The following DNMBP variants were observed in gnomAD, a reference collection of about 807,000 sequenced individuals.
The protein encoded by DNMBP is dynamin-binding protein.
A neutral mutation model predicts 150.0 loss-of-function variants in DNMBP; 87 were observed. That is an observed-to-expected ratio of 0.58 (90% CI 0.49 to 0.69). The LOEUF (loss-of-function observed/expected upper bound fraction) is 0.69, where lower values mean the gene tolerates loss of function less well. Ranked by LOEUF, DNMBP falls within the 30% of genes least tolerant of loss-of-function variation. DNMBP has a pLI of 0.00. For synonymous variants in DNMBP, 711 were observed against 750.4 expected (o/e 0.95, Z 0.86); for missense variants, 1,774 against 1,949.0 (o/e 0.91, Z 1.69).
chr10:99,920,161 C>T (rs974681314), intron 4 of DNMBP, among the ~76,000 whole-genome samples: 8 of 151,864 alleles, frequency 5.3e-5, no homozygotes, highest in Admixed American at 1.3e-4. Flanking sequence ...CCGCAACCTC[C>T]GCCTCCTGGG....
intron 11 of DNMBP, 110 bp downstream of exon 11, chr10:99,894,836 T>C (rs1590217562): frequency 1.3e-6 from 1 of 773,254 alleles, no homozygotes; most frequent in East Asian, 2.7e-5. Flanking sequence ...GGCATAATAG[T>C]AATTTGAGTC....
chr10:99,923,083 G>A (rs926479924), intron 4 of DNMBP, among the ~76,000 whole-genome samples: 1 of 152,028 alleles, frequency 6.6e-6, no homozygotes, highest in African/African-American at 2.4e-5. Context: ...GCAAGACCCT[G>A]TCTCTACTAA....
chr10:99,888,824 C>T lies in DNMBP; in HGVS notation c.3285+1G>A. 3 of 1,613,800 alleles carry T rather than the reference C, an allele frequency of 1.9e-6. No homozygotes were observed. The highest frequency in any genetic ancestry group is 2.5e-6 in the Non-Finnish European group (3 of 1,179,904). Reference sequence around the variant, plus strand: ...CAACTTTTGAAGAAAAAGTTACTTACAAAGTTTGTGAAGAGCTGGTCACTG... The same window carrying T: ...CAACTTTTGAAGAAAAAGTTACTTATAAAGTTTGTGAAGAGCTGGTCACTG... On this transcript the variant is annotated splice_donor_variant, in intron 12 of 16. Transcript: ENST00000324109. LOFTEE classifies it high-confidence loss of function.
chr10:100,005,764 C>CAAAAAAAAAAA (rs760685767), intron 1 of DNMBP, among the ~76,000 whole-genome samples: 1 of 37,974 alleles, frequency 2.6e-5, no homozygotes, highest in African/African-American at 1.0e-4. Context: ...CAAAAGTCTC[C>CAAAAAAAAAAA]AAAAAAAAAA....
At position 99,899,984 on chromosome 10, in the gene DNMBP, C is replaced by T. The variant is rs557801510; in HGVS notation, c.2637G>A (p.Leu879=). 1.2e-5 allele frequency: 20 copies of T among 1,614,002 alleles called. 1 individual carries two copies. The highest frequency in any genetic ancestry group is 3.3e-4 in the Middle Eastern group (2 of 6,084). The change falls in exon 7 of 17, where the codon CTG becomes CTA. Residue 879 remains leucine (L), a synonymous_variant. Transcript: ENST00000324109. ...YCQNHDEAIA[L]LEIYEKDEKI... ...TCTCATCCTTCTCGTAGATTTCAAG[C>T]AGCGCAATGGCCTCATCATGATTCT...
chr10:99,997,375 A>G (rs564260066), intron 1 of DNMBP, among the ~76,000 whole-genome samples: 1 of 152,302 alleles, frequency 6.6e-6, no homozygotes, highest in East Asian at 1.9e-4. Context: ...TGCTGTTGAT[A>G]ATGTCATTCC....
chr10:99,887,594 A>G (rs1235001507), intron 12 of DNMBP, among the ~76,000 whole-genome samples: 3 of 152,138 alleles, frequency 2.0e-5, no homozygotes, highest in Non-Finnish European at 4.4e-5. Flanking sequence ...TAAGGCAATG[A>G]ATACATAAAG....
In DNMBP at chr10:99,877,058, T is replaced by C. The variant is rs1399306282; in HGVS notation, c.*93A>G. ...GGTTAAGCAACGCAGACAGGGCCTG[T>C]GTCTCAGGAGCAGGCGCCCTCTCGG... On this transcript the variant is annotated 3_prime_UTR_variant, in exon 17 of 17. Coordinates refer to ENST00000324109, the MANE Select transcript of DNMBP (RefSeq NM_015221.4). The C allele has an allele frequency of 5.2e-6, 6 of 1,146,522 alleles. No homozygotes were observed. The African/African-American group carries it at 7.8e-5, about 15-fold the overall frequency. The allele number at this position is 1,146,522 out of a possible 1,614,324, so 71.0% of individuals were successfully genotyped here. A position where few individuals can be genotyped will look rare whatever the true frequency, so the allele number is the denominator to read the frequency against.
At chr10:99,998,822 T>G (rs1217446187) in intron 1 of DNMBP, among the ~76,000 whole-genome samples, 3 of 152,132 alleles carry the variant, frequency 2.0e-5, no homozygotes, top group Non-Finnish European at 4.4e-5. Context: ...AACCAAAAGG[T>G]CTATAAAACG....
rs114289655 is a variant in DNMBP at position 99,889,218 on chromosome 10, G to T, written c.3157-265C>A. On this transcript the variant is annotated intron_variant, in intron 11 of 16. Coordinates refer to ENST00000324109, the MANE Select transcript of DNMBP (RefSeq NM_015221.4). The stretch of plus-strand genomic sequence containing the variant: ...TAGCATTCCCCTATGTCCCTAATAG[G>T]GTTTCTTAATTTACCAAAAAGCAAA... 1,476 of 280,048 alleles carry T rather than the reference G, an allele frequency of 5.3e-3. 19 individuals carry two copies. The highest frequency in any genetic ancestry group is 0.028 in the African/African-American group (1,262 of 45,316). 17.3% of individuals were successfully genotyped at this position (280,048 alleles called of 1,614,324 possible).
chr10:99,916,306 T>C (rs917710725), intron 4 of DNMBP, among the ~76,000 whole-genome samples: 3 of 152,118 alleles, frequency 2.0e-5, no homozygotes, highest in African/African-American at 7.2e-5. Context: ...CTACTAACAT[T>C]ACAAAAATTA....
Position 99,885,760 on chromosome 10 carries a change from A to C in DNMBP, c.3725T>G (p.Leu1242Arg), listed in dbSNP as rs144751467. Residue 1242 changes from leucine to arginine, a missense_variant, in exon 14 of 17, where the codon CTT (leucine) becomes CGT (arginine). By Grantham distance (102) the Leu-to-Arg change is moderately radical. This residue lies in a region of DNMBP where 1,430 missense variants were observed against 1,492.5 expected (regional missense o/e 0.96). Coordinates refer to ENST00000324109, the MANE Select transcript of DNMBP (RefSeq NM_015221.4). The part of the protein sequence containing the change: ...LQVFTFFPES[L>R]PATKKPFERK... ...CTCAAATGGCTTCTTGGTAGCTGGAAGAGACTCCGGGAAGAAGGTAAAAAC... is the reference window on the plus strand; with the variant it reads ...CTCAAATGGCTTCTTGGTAGCTGGACGAGACTCCGGGAAGAAGGTAAAAAC... The C allele has an allele frequency of 4.4e-6, 7 of 1,606,038 alleles. No individual in the cohort carries two copies. In the Admixed American group the frequency reaches 6.8e-5, roughly 16 times the overall value.
chr10:100,002,471 G>C (rs925083087), intron 1 of DNMBP, among the ~76,000 whole-genome samples: 1 of 152,156 alleles, frequency 6.6e-6, no homozygotes, highest in Non-Finnish European at 1.5e-5. Context: ...ATTTATGCCT[G>C]AAGTAAAGAC....
At chr10:99,991,779 G>A (rs1016225102) in intron 1 of DNMBP, among the ~76,000 whole-genome samples, 6 of 151,630 alleles carry the variant, frequency 4.0e-5, no homozygotes, top group African/African-American at 1.2e-4. Flanking sequence ...GGTGGCAGGC[G>A]CCTGTAGTCC....
chr10:99,912,088 C>G (rs1195229415), intron 4 of DNMBP, among the ~76,000 whole-genome samples: 1 of 152,144 alleles, frequency 6.6e-6, no homozygotes, highest in African/African-American at 2.4e-5. Context: ...TATTATTACT[C>G]CCATTTAATA....
chr10:99,982,908 C>T (rs1348073426), intron 1 of DNMBP, among the ~76,000 whole-genome samples: 1 of 151,468 alleles, frequency 6.6e-6, no homozygotes, highest in Non-Finnish European at 1.5e-5. Context: ...GTGGAGGTTG[C>T]AGCAAGCTGA....
chr10:99,920,224 C>T (rs1251023088), intron 4 of DNMBP, among the ~76,000 whole-genome samples: 13 of 151,826 alleles, frequency 8.6e-5, no homozygotes, highest in Non-Finnish European at 1.0e-4. Flanking sequence ...TACAGGCACG[C>T]GCCACCACGC....
chr10:99,918,839 A>G (rs1341122521), intron 4 of DNMBP, among the ~76,000 whole-genome samples: 4 of 152,192 alleles, frequency 2.6e-5, no homozygotes, highest in African/African-American at 7.2e-5. Flanking sequence ...ATTTCTGAAC[A>G]CTCACCAAAT....
At chr10:99,985,520 T>C (rs905493060) in intron 1 of DNMBP, among the ~76,000 whole-genome samples, 27 of 152,066 alleles carry the variant, frequency 1.8e-4, no homozygotes, top group African/African-American at 6.5e-4. Flanking sequence ...TCCCTTTTTG[T>C]AGGGGCTGTC....
Sources: allele counts gnomAD v4.1 joint callset (sites outside exome capture counted in the v4.1 genomes callset), GRCh38; gene constraint gnomAD v4.1.1; regional missense constraint gnomAD v4.1.1; transcripts MANE v1.5; gene names NCBI Gene and HGNC (gene_info 2026-07-23, HGNC 2026-07-21).